The following ASAP1 variants were observed in gnomAD, a reference collection of about 807,000 sequenced individuals.
The protein encoded by ASAP1 is ArfGAP with SH3 domain, ankyrin repeat and PH domain 1, also known as arf-GAP with SH3 domain, ANK repeat and PH domain-containing protein 1.
ASAP1 carries 43 observed loss-of-function variants against 145.2 expected under a neutral mutation model. That is an observed-to-expected ratio of 0.30 (90% CI 0.23 to 0.38). The LOEUF (loss-of-function observed/expected upper bound fraction) is 0.38. Ranked by LOEUF, ASAP1 falls within the 10% of genes least tolerant of loss-of-function variation. ASAP1 has a pLI of 1.00. For synonymous variants in ASAP1, 546 were observed against 515.5 expected, an observed-to-expected ratio of 1.06 and a Z score of -0.80; for missense variants, 1,018 against 1,355.3, an observed-to-expected ratio of 0.75 and a Z score of 3.91.
Position 130,366,886 on chromosome 8 carries a change from CTTTTTTT to C in ASAP1, c.60-8750_60-8744del, listed in dbSNP as rs905755447. Among the ~76,000 whole-genome samples the C allele has an allele frequency of 5.0e-5, 5 of 99,196 alleles. No homozygotes were observed. The South Asian group carries it at 1.3e-3, about 26-fold the overall frequency. The allele number at this position is 99,196 out of a possible 152,430, so 65.1% of individuals were successfully genotyped here. On this transcript the variant is annotated intron_variant, in intron 2 of 29. Transcript: ENST00000518721. Reference sequence around the variant, plus strand: ...TCTAAACAGGTACTATGCTAGATTCCTTTTTTTTTTTTTTTTTTTTTTGAGACAGAGT... The same window carrying C: ...TCTAAACAGGTACTATGCTAGATTCCTTTTTTTTTTTTTTTGAGACAGAGT...
chr8:130,253,794 A>G (rs1417794824), intron 3 of ASAP1, among the ~76,000 whole-genome samples: 2 of 152,198 alleles, frequency 1.3e-5, no homozygotes, highest in Non-Finnish European at 2.9e-5. Context: ...TTTTTCTTAA[A>G]TATTTCTGGT....
intron 3 of ASAP1, among the ~76,000 whole-genome samples, chr8:130,300,184 A>AGCGAGC (rs1554876474): frequency 1.9e-3 from 263 of 140,280 alleles, no homozygotes; most frequent in African/African-American, 5.5e-3. Context: ...AGAGAGAGAG[A>AGCGAGC]GAGCGAGCGA....
At chr8:130,289,725 G>C (rs1203377597) in intron 3 of ASAP1, among the ~76,000 whole-genome samples, 1 of 152,164 alleles carries the variant, frequency 6.6e-6, no homozygotes, top group Non-Finnish European at 1.5e-5. Context: ...TATCTTACTT[G>C]TATCCACAAT....
At chr8:130,293,798 T>A (rs1219697293) in intron 3 of ASAP1, among the ~76,000 whole-genome samples, 1 of 152,206 alleles carries the variant, frequency 6.6e-6, no homozygotes, top group African/African-American at 2.4e-5. Context: ...CAAGGCTAGG[T>A]GCTCAAATAT....
intron 15 of ASAP1, 48 bp downstream of exon 15, chr8:130,134,248 G>C: frequency 7.1e-7 from 1 of 1,402,496 alleles, no homozygotes. Context: ...AAACAGAGAG[G>C]TGCTTTTTCA....
chr8:130,344,665 T>C (rs746985815), intron 3 of ASAP1, among the ~76,000 whole-genome samples: 24 of 152,214 alleles, frequency 1.6e-4, no homozygotes, highest in African/African-American at 3.6e-4. Flanking sequence ...GCCCAGGAGA[T>C]AGAACCTGCA....
intron 2 of ASAP1, among the ~76,000 whole-genome samples, chr8:130,378,540 A>G (rs755750014): frequency 4.6e-5 from 7 of 152,242 alleles, no homozygotes; most frequent in Non-Finnish European, 8.8e-5. Flanking sequence ...ATGAAAACAA[A>G]TAACACGTGC....
At chr8:130,413,341 T>C (rs146159598) in intron 1 of ASAP1, among the ~76,000 whole-genome samples, 1 of 152,336 alleles carries the variant, frequency 6.6e-6, no homozygotes, top group African/African-American at 2.4e-5. Context: ...CCAATTAACA[T>C]CAGCCCACTT....
chr8:130,425,279 G>A (rs1165976710), intron 1 of ASAP1, among the ~76,000 whole-genome samples: 1 of 150,308 alleles, frequency 6.7e-6, no homozygotes, highest in Non-Finnish European at 1.5e-5. Context: ...TTACAGTGAG[G>A]TGAGATTGTG....
intron 9 of ASAP1, among the ~76,000 whole-genome samples, chr8:130,173,457 C>T (rs1813724005): frequency 3.3e-5 from 5 of 152,106 alleles, no homozygotes; most frequent in South Asian, 2.1e-4. Context: ...TGTTTTAGCT[C>T]GTCCTAGTTC....
chr8:130,374,034 T>TA (rs34199624), intron 2 of ASAP1, among the ~76,000 whole-genome samples: 7,890 of 94,308 alleles, frequency 0.084, 427 homozygotes, highest in African/African-American at 0.16. Flanking sequence ...TAACTCCCTT[T>TA]AAAAAAAAAA....
At chr8:130,323,601 A>G (rs117129430) in intron 3 of ASAP1, among the ~76,000 whole-genome samples, 4,023 of 151,698 alleles carry the variant, frequency 0.027, 64 homozygotes, top group Middle Eastern at 0.044. Flanking sequence ...GACTCCTCCT[A>G]CCTCCCTCTA....
chr8:130,373,197 C>A (rs919984523), intron 2 of ASAP1, among the ~76,000 whole-genome samples: 1 of 149,606 alleles, frequency 6.7e-6, no homozygotes, highest in African/African-American at 2.5e-5. Flanking sequence ...AAAAAAAAAC[C>A]ATGTAAATCT....
intron 2 of ASAP1, among the ~76,000 whole-genome samples, chr8:130,366,886 CTTTTTTTTTT>C (rs905755447): frequency 2.0e-5 from 2 of 99,206 alleles, no homozygotes; most frequent in Admixed American, 1.1e-4. Flanking sequence ...TGCTAGATTC[CTTTTTTTTTT>C]TTTTTTTTTT....
At chr8:130,422,751 C>G (rs933052623) in intron 1 of ASAP1, among the ~76,000 whole-genome samples, 3 of 152,192 alleles carry the variant, frequency 2.0e-5, no homozygotes, top group Non-Finnish European at 4.4e-5. Flanking sequence ...GAGGCTTGGT[C>G]CTGGGTTCAT....
intron 2 of ASAP1, among the ~76,000 whole-genome samples, chr8:130,384,288 G>A (rs542459658): frequency 2.0e-5 from 3 of 152,314 alleles, no homozygotes; most frequent in South Asian, 2.1e-4. Flanking sequence ...CCTGCTAGAA[G>A]GGGTTATTAC....
intron 3 of ASAP1, among the ~76,000 whole-genome samples, chr8:130,246,765 T>C (rs967515279): frequency 5.3e-5 from 8 of 152,192 alleles, no homozygotes; most frequent in African/African-American, 7.2e-5. Flanking sequence ...AGCCATTCCA[T>C]ACATTCTGTA....
intron 9 of ASAP1, among the ~76,000 whole-genome samples, chr8:130,175,543 T>TA (rs1813894014): frequency 1.3e-5 from 2 of 152,164 alleles, no homozygotes; most frequent in Non-Finnish European, 2.9e-5. Flanking sequence ...GAGTTTTTTT[T>TA]ATATATTCTG....
chr8:130,153,353 A>ATATG (rs1554834320), intron 12 of ASAP1, among the ~76,000 whole-genome samples: 1 of 48,550 alleles, frequency 2.1e-5, no homozygotes, highest in South Asian at 1.4e-3. Flanking sequence ...ATATATATAT[A>ATATG]TATATGTATA....
Sources: gnomAD v4.1 joint callset for allele counts (sites outside exome capture counted in the v4.1 genomes callset) on GRCh38, gnomAD v4.1.1 for gene constraint, MANE v1.5 for transcripts, NCBI Gene and HGNC (gene_info 2026-07-23, HGNC 2026-07-21) for gene names.